The following LRRTM3 variants were observed in gnomAD, a reference collection of about 807,000 sequenced individuals.
LRRTM3 encodes leucine rich repeat transmembrane neuronal 3.
In LRRTM3, 24 loss-of-function variants were observed where a neutral mutation model predicts 44.7. That is an observed-to-expected ratio of 0.54 (90% CI 0.39 to 0.76). LRRTM3 has a LOEUF of 0.76. Ranked by LOEUF, LRRTM3 falls within the 30% of genes least tolerant of loss-of-function variation. The pLI is 0.00. For missense variants in LRRTM3, 587 were observed against 702.2 expected, an observed-to-expected ratio of 0.84 and a Z score of 1.85; for synonymous variants, 277 against 278.7, an observed-to-expected ratio of 0.99 and a Z score of 0.06.
intron 2 of LRRTM3, among the ~76,000 whole-genome samples, chr10:66,945,269 T>C (rs938488204): frequency 3.9e-5 from 6 of 152,238 alleles, no homozygotes; most frequent in Non-Finnish European, 8.8e-5. Flanking sequence ...ATCTTCTGAA[T>C]AACTTGTTGC....
chr10:66,991,939 A>C (rs565676185), intron 2 of LRRTM3, among the ~76,000 whole-genome samples: 117 of 152,278 alleles, frequency 7.7e-4, no homozygotes, highest in African/African-American at 2.6e-3. Flanking sequence ...ATTAACCTTC[A>C]TACCTCCCCT....
intron 2 of LRRTM3, among the ~76,000 whole-genome samples, chr10:66,996,992 A>G (rs1851391562): frequency 6.6e-6 from 1 of 152,188 alleles, no homozygotes; most frequent in African/African-American, 2.4e-5. Flanking sequence ...AAAGATAATC[A>G]AGAATAAGAC....
chr10:67,031,703 A>G (rs1411301896), intron 2 of LRRTM3, among the ~76,000 whole-genome samples: 1 of 152,180 alleles, frequency 6.6e-6, no homozygotes, highest in Non-Finnish European at 1.5e-5. Flanking sequence ...CTTTGAGTAG[A>G]CTAGGACCTT....
intron 2 of LRRTM3, among the ~76,000 whole-genome samples, chr10:67,096,829 T>C (rs1162148705): frequency 3.3e-5 from 5 of 151,902 alleles, no homozygotes; most frequent in Non-Finnish European, 7.4e-5. Flanking sequence ...TTGATGCTTT[T>C]TGGACTTTCA....
intron 2 of LRRTM3, among the ~76,000 whole-genome samples, chr10:66,961,888 C>T (rs1390740270): frequency 2.0e-5 from 3 of 152,114 alleles, no homozygotes; most frequent in Non-Finnish European, 2.9e-5. Context: ...CATATGGAGG[C>T]CAAATGTTTG....
chr10:67,078,516 T>G (rs1012684347), intron 2 of LRRTM3, among the ~76,000 whole-genome samples: 1 of 151,596 alleles, frequency 6.6e-6, no homozygotes, highest in Non-Finnish European at 1.5e-5. Context: ...TGATACCTTT[T>G]TTATTATTAT....
At position 67,084,546 on chromosome 10, in the gene LRRTM3, T is replaced by G. The variant is rs531592266; in HGVS notation, c.1537-13041T>G. 8.4e-4 allele frequency among the ~76,000 whole-genome samples: 128 copies of G among 152,126 alleles called. 1 individual carries two copies. Among genetic ancestry groups the G allele is most frequent in the African/African-American group, 3.0e-3 (123 of 41,560 alleles). On this transcript the variant is annotated intron_variant, in intron 2 of 2. Coordinates refer to ENST00000361320, the MANE Select transcript of LRRTM3 (RefSeq NM_178011.5). ...CATGAGAAAAAATCATTTTCACCCT[T>G]TAGATTAGAAAATTTCCTGATCCTA... is the stretch of plus-strand genomic sequence containing the variant.
At chr10:66,980,275 T>C (rs1264414774) in intron 2 of LRRTM3, among the ~76,000 whole-genome samples, 1 of 152,198 alleles carries the variant, frequency 6.6e-6, no homozygotes, top group Non-Finnish European at 1.5e-5. Flanking sequence ...TCTCTTCTCC[T>C]AAGCCAAGTA....
intron 2 of LRRTM3, among the ~76,000 whole-genome samples, chr10:66,948,521 T>A (rs1257943597): frequency 1.3e-5 from 2 of 152,186 alleles, no homozygotes; most frequent in East Asian, 3.9e-4. Context: ...TGCTCTCAAT[T>A]AAAGATCTAC....
At chr10:66,929,623 A>C (rs1847258635) in intron 2 of LRRTM3, among the ~76,000 whole-genome samples, 1 of 152,208 alleles carries the variant, frequency 6.6e-6, no homozygotes, top group South Asian at 2.1e-4. Flanking sequence ...CTTAGAGGAA[A>C]AAAGACCAAC....
At chr10:67,075,888 C>T (rs566843536) in intron 2 of LRRTM3, among the ~76,000 whole-genome samples, 5 of 152,184 alleles carry the variant, frequency 3.3e-5, no homozygotes, top group East Asian at 3.9e-4. Context: ...TTTCTTTCAA[C>T]GAAGGTGTGG....
chr10:67,091,158 C>T (rs1857606715), intron 2 of LRRTM3, among the ~76,000 whole-genome samples: 1 of 151,984 alleles, frequency 6.6e-6, no homozygotes. Flanking sequence ...TCTCCAAACA[C>T]ACATCAAATT....
intron 2 of LRRTM3, among the ~76,000 whole-genome samples, chr10:66,973,526 G>A (rs1185069661): frequency 6.6e-6 from 1 of 152,156 alleles, no homozygotes; most frequent in Admixed American, 6.5e-5. Flanking sequence ...GCCCTTCTAA[G>A]TTTGTTTTAG....
In LRRTM3 at chr10:66,932,590, T is replaced by C. The variant is rs112903931; in HGVS notation, c.1536+4138T>C. Among the ~76,000 whole-genome samples, 605 of 152,264 alleles carry C rather than the reference T, an allele frequency of 4.0e-3. 7 individuals are homozygous for C. Among genetic ancestry groups the C allele is most frequent in the African/African-American group, 0.014 (569 of 41,574 alleles). The stretch of plus-strand genomic sequence containing the variant: ...AATCAGAGGCAGTTGGGGGAAACAA[T>C]GAGCACAACAGAATATATAGGTAAA... On this transcript the variant is annotated intron_variant, in intron 2 of 2. Transcript: ENST00000361320.
Position 67,097,671 on chromosome 10 carries a change from T to G in LRRTM3, c.1621T>G (p.Ser541Ala). Reference sequence around the variant, plus strand: ...CTGTGGGGTGCATCATGAACTTCTCTCCCATAAGTCCTTTGAAACGAATGC... The same window carrying G: ...CTGTGGGGTGCATCATGAACTTCTCGCCCATAAGTCCTTTGAAACGAATGC... ...SYCGVHHELL[S>A]HKSFETNAQE... The change falls in exon 3 of 3, where the codon TCC becomes GCC. Residue 541 changes from serine to alanine, a missense_variant. Around this residue, in one of 3 missense-constraint regions of LRRTM3, gnomAD observed 315 missense variants for 335.6 expected, o/e 0.94. Coordinates refer to ENST00000361320, the MANE Select transcript of LRRTM3 (RefSeq NM_178011.5). The G allele has an allele frequency of 6.2e-7, 1 of 1,612,686 alleles. No individual in the cohort carries two copies. Among genetic ancestry groups the G allele is most frequent in the Non-Finnish European group, 8.5e-7 (1 of 1,179,058 alleles).
chr10:66,998,737 T>C (rs961262816), intron 2 of LRRTM3, among the ~76,000 whole-genome samples: 2 of 152,148 alleles, frequency 1.3e-5, no homozygotes, highest in African/African-American at 4.8e-5. Context: ...GAAAGAGCAA[T>C]TGTCACAGAT....
At chr10:67,049,375 T>G (rs1223683569) in intron 2 of LRRTM3, among the ~76,000 whole-genome samples, 1 of 152,166 alleles carries the variant, frequency 6.6e-6, no homozygotes, top group Non-Finnish European at 1.5e-5. Context: ...AATAAGCAGT[T>G]ATTTATGAAC....
chr10:66,988,966 C>CCTGGGCT (rs1312229100), intron 2 of LRRTM3, among the ~76,000 whole-genome samples: 1 of 151,844 alleles, frequency 6.6e-6, no homozygotes, highest in Non-Finnish European at 1.5e-5. Flanking sequence ...CCGGGTGCTT[C>CCTGGGCT]CTGGGCTTTG....
chr10:67,007,037 C>A (rs1033452959), intron 2 of LRRTM3, among the ~76,000 whole-genome samples: 11 of 152,280 alleles, frequency 7.2e-5, no homozygotes, highest in Admixed American at 5.9e-4. Flanking sequence ...CTCAAATGAT[C>A]CACCCTGCTC....
Sources: gnomAD v4.1 joint callset for allele counts (sites outside exome capture counted in the v4.1 genomes callset) on GRCh38, gnomAD v4.1.1 for gene constraint, gnomAD v4.1.1 regional missense constraint, MANE v1.5 for transcripts, NCBI Gene and HGNC (gene_info 2026-07-23, HGNC 2026-07-21) for gene names.